The following SPIRE1 variants were observed in gnomAD, a reference collection of about 807,000 sequenced individuals.
SPIRE1 encodes protein spire homolog 1.
In SPIRE1, 40 loss-of-function variants were observed where a neutral mutation model predicts 94.1. The observed-to-expected ratio is 0.43, with a 90% CI of 0.33 to 0.55. SPIRE1 has a LOEUF of 0.55. SPIRE1 is among the 20% of genes least tolerant of loss of function. The probability of loss-of-function intolerance (pLI) is 0.06; values close to 1 mark genes in which losing one functional copy is unlikely to be tolerated. For missense variants in SPIRE1, 838 were observed against 975.2 expected, an observed-to-expected ratio of 0.86 and a Z score of 1.87; for synonymous variants, 376 against 371.7, an observed-to-expected ratio of 1.01 and a Z score of -0.13.
chr18:12,569,028 AC>A (rs1442770534), intron 2 of SPIRE1, among the ~76,000 whole-genome samples: 1 of 152,158 alleles, frequency 6.6e-6, no homozygotes, highest in African/African-American at 2.4e-5. Flanking sequence ...TCTAAAATTA[AC>A]CCATACTCTT....
intron 2 of SPIRE1, among the ~76,000 whole-genome samples, chr18:12,597,259 C>T (rs1311747342): frequency 6.6e-6 from 1 of 151,424 alleles, no homozygotes; most frequent in Non-Finnish European, 1.5e-5. Context: ...TTATTTATAA[C>T]CCCCCAAAGT....
Position 12,482,264 on chromosome 18 carries a change from TC to T in SPIRE1, c.1232-2394del, listed in dbSNP as rs1239883284. On this transcript the variant is annotated intron_variant, in intron 9 of 16. Transcript: ENST00000409402. ...TTCAAGCGATTCTCCTGCCTCAGCCTCCAGAGTAGCCGGGACTACAGGCATG... is the reference window on the plus strand; with the variant it reads ...TTCAAGCGATTCTCCTGCCTCAGCCTCAGAGTAGCCGGGACTACAGGCATG... Among the ~76,000 whole-genome samples, 8 of 152,150 alleles carry T rather than the reference TC, an allele frequency of 5.3e-5. 1 individual carries two copies. Among genetic ancestry groups the T allele is most frequent in the Non-Finnish European group, 8.8e-5 (6 of 68,026 alleles).
chr18:12,501,629 G>A (rs1310023003), intron 6 of SPIRE1, among the ~76,000 whole-genome samples: 11 of 152,138 alleles, frequency 7.2e-5, no homozygotes, highest in African/African-American at 2.7e-4. Context: ...TGTTCCGCAC[G>A]CCTCGGCCTC....
intron 2 of SPIRE1, among the ~76,000 whole-genome samples, chr18:12,569,636 C>CAA (rs71172101): frequency 0.077 from 10,881 of 141,940 alleles, 477 homozygotes; most frequent in African/African-American, 0.091. Context: ...ACAACAACAA[C>CAA]AAAAAAAAAA....
chr18:12,494,071 AT>A (rs201239734), intron 7 of SPIRE1, among the ~76,000 whole-genome samples: 2 of 151,068 alleles, frequency 1.3e-5, no homozygotes, highest in Non-Finnish European at 1.5e-5. Flanking sequence ...CACACGGCTA[AT>A]TTTTTTTTCT....
intron 2 of SPIRE1, among the ~76,000 whole-genome samples, chr18:12,599,819 T>TG (rs2036780788): frequency 6.6e-6 from 1 of 152,182 alleles, no homozygotes; most frequent in African/African-American, 2.4e-5. Flanking sequence ...AAGACATCCC[T>TG]GTCCTTGCCA....
intron 2 of SPIRE1, among the ~76,000 whole-genome samples, chr18:12,589,151 TA>T (rs2144577508): frequency 6.6e-6 from 1 of 151,452 alleles, no homozygotes; most frequent in Non-Finnish European, 1.5e-5. Context: ...ACAATACTAT[TA>T]AATAGGTATT....
At position 12,449,200 on chromosome 18, in the gene SPIRE1, CACGGG is replaced by C; in HGVS notation, c.*433_*437del. ...GTGTAGGGCTCTGGATCTCTCTGTACACGGGATAGAAACACAGTCACGTGGAAATG... is the reference window on the plus strand; with the variant it reads ...GTGTAGGGCTCTGGATCTCTCTGTACATAGAAACACAGTCACGTGGAAATG... On this transcript the variant is annotated 3_prime_UTR_variant, in exon 17 of 17. Coordinates refer to ENST00000409402, the MANE Select transcript of SPIRE1 (RefSeq NM_001128626.2). 4 of 175,180 alleles carry C rather than the reference CACGGG, an allele frequency of 2.3e-5. No individual in the cohort carries two copies. Among genetic ancestry groups the C allele is most frequent in the South Asian group, 1.4e-4 (1 of 7,244 alleles). 10.9% of individuals were successfully genotyped at this position (175,180 alleles called of 1,614,324 possible). A position where few individuals can be genotyped will look rare whatever the true frequency, so the allele number is the denominator to read the frequency against.
At chr18:12,497,142 G>T (rs1299356114) in intron 6 of SPIRE1, among the ~76,000 whole-genome samples, 1 of 152,010 alleles carries the variant, frequency 6.6e-6, no homozygotes, top group Non-Finnish European at 1.5e-5. Context: ...AAAAACCAGG[G>T]ATAAGATTCA....
At chr18:12,648,323 G>A (rs1008590457) in intron 1 of SPIRE1, among the ~76,000 whole-genome samples, 1 of 152,114 alleles carries the variant, frequency 6.6e-6, no homozygotes, top group Non-Finnish European at 1.5e-5. Context: ...CCAGGTTATC[G>A]TAGCCAGTGA....
At chr18:12,459,869 T>C (rs1334316070) in intron 12 of SPIRE1, 2 of 985,680 alleles carry the variant, frequency 2.0e-6, no homozygotes, top group Non-Finnish European at 2.4e-6. Context: ...AAGCTGTTTG[T>C]ATGGTAGAAA....
At position 12,624,788 on chromosome 18, in the gene SPIRE1, C is replaced by T. The variant is rs1443504957; in HGVS notation, c.372+10274G>A. The stretch of plus-strand genomic sequence containing the variant: ...CAGAGGTTGCAGTGAGCCGAGATCA[C>T]GCCACTGCACTCCAGCCTGGGCGAC... On this transcript the variant is annotated intron_variant, in intron 2 of 16. Transcript: ENST00000409402. Among the ~76,000 whole-genome samples the T allele has an allele frequency of 7.5e-5, 11 of 147,436 alleles. 1 individual carries two copies. Among genetic ancestry groups the T allele is most frequent in the Non-Finnish European group, 1.2e-4 (8 of 67,014 alleles).
chr18:12,594,676 T>A (rs1172137370), intron 2 of SPIRE1, among the ~76,000 whole-genome samples: 3 of 152,234 alleles, frequency 2.0e-5, no homozygotes, highest in Admixed American at 6.5e-5. Flanking sequence ...TCTTTCCCTC[T>A]TATTATAAAA....
chr18:12,655,872 G>C (rs1374955700), intron 1 of SPIRE1, among the ~76,000 whole-genome samples: 1 of 152,044 alleles, frequency 6.6e-6, no homozygotes, highest in African/African-American at 2.4e-5. Context: ...TTTTTCCTCT[G>C]GAAATAGCTA....
intron 10 of SPIRE1, among the ~76,000 whole-genome samples, chr18:12,465,845 G>T (rs144391722): frequency 0.013 from 1,980 of 152,210 alleles, 43 homozygotes; most frequent in African/African-American, 0.045. Context: ...CAGCACTTTG[G>T]GAGGCCAAGA....
chr18:12,554,336 T>A (rs938298148), intron 2 of SPIRE1, among the ~76,000 whole-genome samples: 3 of 146,210 alleles, frequency 2.1e-5, no homozygotes, highest in African/African-American at 7.5e-5. Flanking sequence ...CCCCAGAAAG[T>A]CAAAGGATTA....
intron 9 of SPIRE1, 58 bp downstream of exon 9, chr18:12,485,901 T>C (rs1266223100): frequency 5.6e-6 from 7 of 1,242,436 alleles, no homozygotes; most frequent in Non-Finnish European, 6.9e-6. Flanking sequence ...GAATGAAATG[T>C]ATTTCACAGA....
At chr18:12,465,733 TTGAA>T (rs902099597) in intron 10 of SPIRE1, among the ~76,000 whole-genome samples, 21 of 152,162 alleles carry the variant, frequency 1.4e-4, no homozygotes, top group Non-Finnish European at 2.2e-4. Context: ...TGAGTGTTTG[TTGAA>T]TGAATGGATG....
chr18:12,616,036 G>GT lies in SPIRE1; in HGVS notation c.372+19025dup, dbSNP rs1160609253. 9.8e-3 allele frequency among the ~76,000 whole-genome samples: 1,484 copies of GT among 151,138 alleles called. 26 individuals are homozygous for GT. Among genetic ancestry groups the GT allele is most frequent in the African/African-American group, 0.035 (1,423 of 41,112 alleles). On this transcript the variant is annotated intron_variant, in intron 2 of 16. Transcript: ENST00000409402. The stretch of plus-strand genomic sequence containing the variant: ...AAACAGAAAACTTAACAAGCTCTTC[G>GT]TTTTTTTTTTCCAGGAATAGAGGTA...
Sources: allele counts gnomAD v4.1 joint callset (sites outside exome capture counted in the v4.1 genomes callset), GRCh38; gene constraint gnomAD v4.1.1; transcripts MANE v1.5; gene names NCBI Gene and HGNC (gene_info 2026-07-23, HGNC 2026-07-21).